The following GRIN2C variants were observed in gnomAD, a reference collection of about 807,000 sequenced individuals.
The protein encoded by GRIN2C is glutamate ionotropic receptor NMDA type subunit 2C.
A neutral mutation model predicts 77.7 loss-of-function variants in GRIN2C; 64 were observed. That is an observed-to-expected ratio of 0.82 (90% CI 0.67 to 1.01). The LOEUF is 1.01. Among genes scored for constraint, GRIN2C ranks in the 50% least tolerant of loss-of-function variants. The pLI, the probability that GRIN2C is intolerant of heterozygous loss-of-function variation, is 0.00. For synonymous variants in GRIN2C, 792 were observed against 643.4 expected (o/e 1.23, Z -3.49); for missense variants, 1,549 against 1,486.0 (o/e 1.04, Z -0.70).
rs574289891 is a variant in GRIN2C, at chr17:74,849,850, G to A, written c.1575C>T (p.Pro525=). 7.8e-4 allele frequency: 1,265 copies of A among 1,613,504 alleles called. 25 individuals carry two copies. The South Asian group carries it at 0.012, about 16-fold the overall frequency. ...TCACACTGATGCCCGTCTCCACAAA[G>A]GGTACAGAGAAGTCTACGATCTCGG... ...ERSEIVDFSV[P]FVETGISVMV... is the part of the protein sequence containing the mutation. Residue 525 remains proline (P), a synonymous_variant, in exon 7 of 13, where the codon CCC becomes CCT. Transcript: ENST00000293190. This position sits in a 1 kb window ranked among gnomAD's most constrained non-coding sequence, Gnocchi z 4.6.
At chr17:74,861,217 T>C (rs957378698), upstream of GRIN2C, among the ~76,000 whole-genome samples, 18 of 152,152 alleles carry the variant, frequency 1.2e-4, no homozygotes, top group African/African-American at 4.3e-4. Flanking sequence ...TTCTTCGCCT[T>C]CTCTCCGGCC....
In GRIN2C at chr17:74,847,267, T is replaced by G; in HGVS notation, c.2001+41A>C. Reference sequence around the variant, plus strand: ...GCCCACTCACGGCCTGTCCCCACCCTCAGTGCCCCCCCCCACCCCCAGCAG... The same window carrying G: ...GCCCACTCACGGCCTGTCCCCACCCGCAGTGCCCCCCCCCACCCCCAGCAG... On this transcript the variant is annotated intron_variant, in intron 9 of 12. Coordinates refer to ENST00000293190, the MANE Select transcript of GRIN2C (RefSeq NM_000835.6). The surrounding 1 kb of genome is among the most constrained non-coding windows in gnomAD (Gnocchi z 5.2). 22 of 453,220 alleles carry G rather than the reference T, an allele frequency of 4.9e-5. No individual in the cohort carries two copies. The highest frequency in any genetic ancestry group is 8.3e-5 in the East Asian group (2 of 24,096). The allele number at this position is 453,220 out of a possible 1,614,324, so 28.1% of individuals were successfully genotyped here.
At position 74,852,370 on chromosome 17, in the gene GRIN2C, C is replaced by G. The variant is rs200047890; in HGVS notation, c.641G>C (p.Arg214Pro). The G allele has an allele frequency of 4.2e-6, 6 of 1,442,732 alleles. No individual in the cohort carries two copies. The African/African-American group carries it at 4.5e-5, about 11-fold the overall frequency. The allele number at this position is 1,442,732 out of a possible 1,614,324, so 89.4% of individuals were successfully genotyped here. Residue 214 changes from arginine to proline, a missense_variant, in exon 3 of 13, where the codon CGC (arginine) becomes CCC (proline). Transcript: ENST00000293190. ...GPGGPRARTQ[R>P]LLRQLDAPVF... is the part of the protein sequence containing the mutation. ...GGGCGCGTCGAGCTGGCGCAGCAGG[C>G]GCTGCGTGCGCGCGCGCGGCCCTCC...
At chr17:74,857,609 G>A (rs544815459) in intron 1 of GRIN2C, among the ~76,000 whole-genome samples, 24 of 152,238 alleles carry the variant, frequency 1.6e-4, no homozygotes, top group Admixed American at 3.9e-4. Flanking sequence ...CCCCTTGCAC[G>A]GCCTCTGTCT....
At position 74,843,224 on chromosome 17, in the gene GRIN2C, C is replaced by T; in HGVS notation, c.2913G>A (p.Val971=). 3.4e-6 allele frequency: 2 copies of T among 579,946 alleles called. No homozygotes were observed. The highest frequency in any genetic ancestry group is 5.4e-6 in the Non-Finnish European group (2 of 371,688). 35.9% of individuals were successfully genotyped at this position (579,946 alleles called of 1,614,324 possible). The change falls in exon 13 of 13, where the codon GTG becomes GTA. Residue 971 remains valine, a synonymous_variant. Coordinates refer to ENST00000293190, the MANE Select transcript of GRIN2C (RefSeq NM_000835.6). ...GPPDGGRAAL[V]RRAPQPPGRP... ...GGCCCGGGGGCTGCGGAGCCCTGCG[C>T]ACAAGCGCCGCGCGACCCCCGTCTG...
At chr17:74,852,865 T>A (rs2037709043) in intron 2 of GRIN2C, 1 of 394,934 alleles carries the variant, frequency 2.5e-6, no homozygotes, top group East Asian at 3.7e-5. Context: ...GGGGAGTTTG[T>A]CAGAAATGCA....
At position 74,851,711 on chromosome 17, in the gene GRIN2C, C is replaced by T. The variant is rs766334794; in HGVS notation, c.999-20G>A. The T allele has an allele frequency of 2.4e-5, 34 of 1,433,290 alleles. 1 individual carries two copies. In the South Asian group the frequency reaches 4.2e-4, roughly 18 times the overall value. The allele number at this position is 1,433,290 out of a possible 1,614,324, so 88.8% of individuals were successfully genotyped here. On this transcript the variant is annotated intron_variant, in intron 3 of 12. Transcript: ENST00000293190. ...AGGTGCCTGCCAGAGGGGAGAGATG[C>T]CTGCAGCCCTGCCAAGGACCAGGCA...
In GRIN2C at chr17:74,847,272, G is replaced by GCC. The variant is rs3833106; in HGVS notation, c.2001+34_2001+35dup. On this transcript the variant is annotated intron_variant, in intron 9 of 12. Transcript: ENST00000293190. This position sits in a 1 kb window ranked among gnomAD's most constrained non-coding sequence, Gnocchi z 5.2. ...CTCACGGCCTGTCCCCACCCTCAGT[G>GCC]CCCCCCCCCACCCCCAGCAGCTATG... 1.2e-4 allele frequency: 81 copies of GCC among 692,470 alleles called. No homozygotes were observed. The highest frequency in any genetic ancestry group is 6.5e-4 in the East Asian group (21 of 32,194). The allele number at this position is 692,470 out of a possible 1,614,324, so 42.9% of individuals were successfully genotyped here.
rs2037456846 is a variant in GRIN2C at position 74,846,342 on chromosome 17, G to A, written c.2163-89C>T. ...GGCGTGACAGGGGTCTAAACCACAT[G>A]AGCCTGCTGGGCACCCCCGGGAGGG... On this transcript the variant is annotated intron_variant, in intron 10 of 12. Coordinates refer to ENST00000293190, the MANE Select transcript of GRIN2C (RefSeq NM_000835.6). This position sits in a 1 kb window ranked among gnomAD's most constrained non-coding sequence, Gnocchi z 4.4. 3.5e-6 allele frequency: 4 copies of A among 1,144,980 alleles called. No homozygotes were observed. The highest frequency in any genetic ancestry group is 1.8e-5 in the Admixed American group (1 of 54,270). The allele number at this position is 1,144,980 out of a possible 1,614,324, so 70.9% of individuals were successfully genotyped here.
In GRIN2C at chr17:74,855,083, C is replaced by T. The variant is rs1313325756; in HGVS notation, c.10G>A (p.Ala4Thr). 10 of 1,585,694 alleles carry T rather than the reference C, an allele frequency of 6.3e-6. No homozygotes were observed. The highest frequency in any genetic ancestry group is 1.3e-5 in the African/African-American group (1 of 74,542). MGGALGPALLLTSL... is the reference protein window; with the variant it reads MGGTLGPALLLTSL... Reference sequence around the variant, plus strand: ...GTGAGCAACAGGGCCGGCCCCAGGGCCCCACCCATGTCCACCGGAGGGTCC... The same window carrying T: ...GTGAGCAACAGGGCCGGCCCCAGGGTCCCACCCATGTCCACCGGAGGGTCC... Residue 4 changes from alanine to threonine, a missense_variant, in exon 2 of 13, where the codon GCC (alanine) becomes ACC (threonine). Ala to Thr is a moderately conservative substitution (Grantham distance 58). Coordinates refer to ENST00000293190, the MANE Select transcript of GRIN2C (RefSeq NM_000835.6).
intron 1 of GRIN2C, among the ~76,000 whole-genome samples, chr17:74,858,888 C>T (rs535947310): frequency 1.3e-5 from 2 of 152,080 alleles, no homozygotes; most frequent in Admixed American, 1.3e-4. Context: ...CTCATCCCAA[C>T]AGAAGTCTAC....
In GRIN2C at chr17:74,843,115, T is replaced by C. The variant is rs2037347090; in HGVS notation, c.3022A>G (p.Thr1008Ala). 2.6e-5 allele frequency: 11 copies of C among 431,286 alleles called. No individual in the cohort carries two copies. Among genetic ancestry groups the C allele is most frequent in the Admixed American group, 4.4e-5 (1 of 22,596 alleles). 26.7% of individuals were successfully genotyped at this position (431,286 alleles called of 1,614,324 possible). Residue 1008 changes from threonine (T) to alanine (A), a missense_variant, in exon 13 of 13, where the codon ACC (threonine) becomes GCC (alanine). By Grantham distance (58) the Thr-to-Ala change is moderately conservative. This residue lies in a region of GRIN2C where 450 missense variants were observed against 267.9 expected (regional missense o/e 1.68). Transcript: ENST00000293190. The part of the protein sequence containing the change: ...PAWEARWPVR[T>A]GHCGRHLSAS... The stretch of plus-strand genomic sequence containing the variant: ...GAGAGGTGCCTCCCGCAGTGCCCGG[T>C]CCGCACCGGCCACCGCGCCTCCCAG...
At chr17:74,851,026 C>G (rs1168001412) in intron 4 of GRIN2C, 1 of 556,808 alleles carries the variant, frequency 1.8e-6, no homozygotes, top group African/African-American at 1.9e-5. Context: ...TTTGACAGAA[C>G]GTCCTTAGCT....
At position 74,846,764 on chromosome 17, in the gene GRIN2C, T is replaced by A; in HGVS notation, c.2158A>T (p.Met720Leu). ...GGTGCAGGGCTGGGGACCCACCCCA[T>A]CTTGAGGCTGGTGAGCGCGTCCTCC... ...SVEDALTSLK[M>L]GKLDAFIYDA... The change falls in exon 10 of 13, where the codon ATG (methionine) becomes TTG (leucine). Residue 720 changes from methionine (M) to leucine (L), a missense_variant. Around this residue, in one of 3 missense-constraint regions of GRIN2C, gnomAD observed 717 missense variants for 858.1 expected, o/e 0.84. Coordinates refer to ENST00000293190, the MANE Select transcript of GRIN2C (RefSeq NM_000835.6). The surrounding 1 kb of genome is among the most constrained non-coding windows in gnomAD (Gnocchi z 4.4). The A allele has an allele frequency of 6.2e-7, 1 of 1,613,538 alleles. No homozygotes were observed. The highest frequency in any genetic ancestry group is 8.5e-7 in the Non-Finnish European group (1 of 1,179,730).
rs200756221 is a variant in GRIN2C at position 74,849,756 on chromosome 17, G to A, written c.1645+24C>T. 1,068 of 1,600,268 alleles carry A rather than the reference G, an allele frequency of 6.7e-4. 1 individual carries two copies. The highest frequency in any genetic ancestry group is 8.3e-4 in the Non-Finnish European group (975 of 1,175,766). The stretch of plus-strand genomic sequence containing the variant: ...CGTGGGCCCCTCTGCCCCCGGAGCC[G>A]TCTCTGCCCACCCTGGGCCTCACCC... On this transcript the variant is annotated intron_variant, in intron 7 of 12. Coordinates refer to ENST00000293190, the MANE Select transcript of GRIN2C (RefSeq NM_000835.6). This position sits in a 1 kb window ranked among gnomAD's most constrained non-coding sequence, Gnocchi z 4.6.
Position 74,852,239 on chromosome 17 carries a change from C to T in GRIN2C, c.772G>A (p.Ala258Thr). 1 of 1,407,430 alleles carries T rather than the reference C, an allele frequency of 7.1e-7. No individual in the cohort carries two copies. The highest frequency in any genetic ancestry group is 1.5e-5 in the South Asian group (1 of 66,998). The allele number at this position is 1,407,430 out of a possible 1,614,324, so 87.2% of individuals were successfully genotyped here. A position where few individuals can be genotyped will look rare whatever the true frequency, so the allele number is the denominator to read the frequency against. The change falls in exon 3 of 13, where the codon GCG becomes ACG. Residue 258 changes from alanine (A) to threonine (T), a missense_variant. Ala to Thr is a moderately conservative substitution (Grantham distance 58). Around this residue, in one of 3 missense-constraint regions of GRIN2C, gnomAD observed 717 missense variants for 858.1 expected, o/e 0.84. Transcript: ENST00000293190. ...GGGGGCGCATCGGTGCTGCCCAGCGCCAGGTTGGGCACCAGCCACACGTGG... is the reference window on the plus strand; with the variant it reads ...GGGGGCGCATCGGTGCTGCCCAGCGTCAGGTTGGGCACCAGCCACACGTGG... Reference protein sequence around the residue: ...PGHVWLVPNLALGSTDAPPAT... With the variant: ...PGHVWLVPNLTLGSTDAPPAT...
intron 2 of GRIN2C, 24 bp from the exon 3 acceptor site, chr17:74,852,635 G>A: frequency 1.0e-6 from 1 of 980,256 alleles, no homozygotes; most frequent in Non-Finnish European, 1.3e-6. Flanking sequence ...GGGCCTGAGC[G>A]GGGCGGGAGG....
At chr17:74,848,652 A>C (rs2037535713) in intron 7 of GRIN2C, among the ~76,000 whole-genome samples, 1 of 152,142 alleles carries the variant, frequency 6.6e-6, no homozygotes, top group Non-Finnish European at 1.5e-5. Flanking sequence ...GTGAGCTGAG[A>C]GCGCACCACT....
chr17:74,847,735 G>A lies in GRIN2C; in HGVS notation c.1771+117C>T, dbSNP rs1176009469. On this transcript the variant is annotated intron_variant, in intron 8 of 12. Transcript: ENST00000293190. The surrounding 1 kb of genome is among the most constrained non-coding windows in gnomAD (Gnocchi z 5.2). ...GTGTCATCTGACTGGCCCCCAGCAT[G>A]TGCCATCCAAAAGCAAGGGACCTCC... 1.9e-6 allele frequency: 2 copies of A among 1,046,200 alleles called. No homozygotes were observed. The highest frequency in any genetic ancestry group is 1.6e-5 in the African/African-American group (1 of 63,562). The allele number at this position is 1,046,200 out of a possible 1,614,324, so 64.8% of individuals were successfully genotyped here.
Sources: allele counts gnomAD v4.1 joint callset (sites outside exome capture counted in the v4.1 genomes callset), GRCh38; gene constraint gnomAD v4.1.1; regional missense constraint gnomAD v4.1.1; non-coding constraint Gnocchi (gnomAD v3.1); transcripts MANE v1.5; gene names NCBI Gene and HGNC (gene_info 2026-07-23, HGNC 2026-07-21).